CATSPERE: variants seen among roughly 807,000 people sequenced by gnomAD.
CATSPERE encodes cation channel sperm-associated auxiliary subunit epsilon.
A neutral mutation model predicts 114.1 loss-of-function variants in CATSPERE; 93 were observed. The observed-to-expected ratio is 0.81, with a 90% CI of 0.69 to 0.97. The LOEUF is 0.97. CATSPERE is among the 50% of genes least tolerant of loss of function. The pLI, the probability that CATSPERE is intolerant of heterozygous loss-of-function variation, is 0.00. For synonymous variants in CATSPERE, 341 were observed against 384.1 expected (o/e 0.89, Z 1.31); for missense variants, 1,058 against 1,131.6 (o/e 0.93, Z 0.93).
At chr1:244,494,575 A>G (rs1371070047) in intron 6 of CATSPERE, among the ~76,000 whole-genome samples, 1 of 151,946 alleles carries the variant, frequency 6.6e-6, no homozygotes, top group Non-Finnish European at 1.5e-5. Context: ...CACATTGTGC[A>G]CATGTACCCT....
chr1:244,491,309 T>A (rs1033093181), intron 6 of CATSPERE, among the ~76,000 whole-genome samples: 5 of 152,064 alleles, frequency 3.3e-5, no homozygotes, highest in African/African-American at 1.2e-4. Context: ...AACCGCTAAC[T>A]ACATGGAAAC....
chr1:244,606,606 C>CTTT (rs57618634), intron 18 of CATSPERE, among the ~76,000 whole-genome samples: 17 of 133,242 alleles, frequency 1.3e-4, no homozygotes, highest in African/African-American at 2.5e-4. Flanking sequence ...CTTTCTTTTG[C>CTTT]TTTTTTTTTT....
At chr1:244,497,560 G>C (rs1673301923) in intron 6 of CATSPERE, among the ~76,000 whole-genome samples, 1 of 152,192 alleles carries the variant, frequency 6.6e-6, no homozygotes, top group South Asian at 2.1e-4. Flanking sequence ...ACTTTGGGAG[G>C]CCGAGGCAGG....
intron 19 of CATSPERE, among the ~76,000 whole-genome samples, chr1:244,615,749 A>G (rs1161335149): frequency 2.6e-5 from 4 of 152,206 alleles, no homozygotes; most frequent in East Asian, 3.9e-4. Flanking sequence ...GTATCCTCAC[A>G]TTTCATGATA....
chr1:244,565,076 C>G (rs929100599), intron 10 of CATSPERE, among the ~76,000 whole-genome samples: 3 of 152,154 alleles, frequency 2.0e-5, no homozygotes, highest in Non-Finnish European at 4.4e-5. Flanking sequence ...ATTGAACCAG[C>G]CTTGCATCCC....
Position 244,504,435 on chromosome 1 carries a change from C to G in CATSPERE, c.429+5356C>G, listed in dbSNP as rs116588987. 3.9e-4 allele frequency among the ~76,000 whole-genome samples: 60 copies of G among 152,196 alleles called. No individual in the cohort carries two copies. The highest frequency in any genetic ancestry group is 9.8e-4 in the Admixed American group (15 of 15,286). On this transcript the variant is annotated intron_variant, in intron 7 of 21. Transcript: ENST00000366534. This position sits in a 1 kb window ranked among gnomAD's most constrained non-coding sequence, Gnocchi z 4.1. The stretch of plus-strand genomic sequence containing the variant: ...TGTATATTTGTCATAATTACTGAAC[C>G]AATATTGTTACATTATTATTAATAG...
rs1045476827 is a variant in CATSPERE, at chr1:244,573,157, A to G, written c.1950+385A>G. On this transcript the variant is annotated intron_variant, in intron 11 of 21. Transcript: ENST00000366534. The surrounding 1 kb of genome is among the most constrained non-coding windows in gnomAD (Gnocchi z 4.0). ...CCGGGCATGGTGGCTCACACCTGTA[A>G]TCCCAGCACTTTGGGAGGCCAAGGC... is the stretch of plus-strand genomic sequence containing the variant. Among the ~76,000 whole-genome samples, 19 of 152,110 alleles carry G rather than the reference A, an allele frequency of 1.2e-4. No homozygotes were observed. Among genetic ancestry groups the G allele is most frequent in the Non-Finnish European group, 1.9e-4 (13 of 68,022 alleles).
At position 244,566,747 on chromosome 1, in the gene CATSPERE, C is replaced by T. The variant is rs191931674; in HGVS notation, c.1508-5583C>T. Among the ~76,000 whole-genome samples the T allele has an allele frequency of 4.7e-4, 66 of 140,750 alleles. 1 individual carries two copies. Among genetic ancestry groups the T allele is most frequent in the Admixed American group, 3.1e-3 (42 of 13,366 alleles). The allele number at this position is 140,750 out of a possible 152,430, so 92.3% of individuals were successfully genotyped here. On this transcript the variant is annotated intron_variant, in intron 10 of 21. Transcript: ENST00000366534. ...CTTTGAGCCTATGTGTGTCTTTGCA[C>T]GTGAAATGGGTGTCTTGCATACAGC...
At chr1:244,552,868 T>G in intron 9 of CATSPERE, 54 bp downstream of exon 9, 2 of 942,854 alleles carry the variant, frequency 2.1e-6, no homozygotes, top group South Asian at 1.0e-4. Context: ...TACAAAGGTA[T>G]TTACCATACC....
Position 244,617,575 on chromosome 1 carries a change from T to G in CATSPERE, c.2537T>G (p.Leu846Ter), listed in dbSNP as rs1671555213. ...TATGCTATTGGAAAACCAGGAGACT[T>G]AAATCAACCATACGAGATTATCAAC... is the stretch of plus-strand genomic sequence containing the variant. Reference protein sequence around the residue: ...FSYAIGKPGDLNQPYEIINSS... With the variant: ...FSYAIGKPGD Residue 846 changes from leucine to a stop codon, truncating the protein, a stop_gained, in exon 20 of 22, where the codon TTA becomes TGA. Coordinates refer to ENST00000366534, the MANE Select transcript of CATSPERE (RefSeq NM_001130957.2). LOFTEE classifies it high-confidence loss of function. The G allele has an allele frequency of 1.3e-6, 2 of 1,540,120 alleles. No homozygotes were observed. The highest frequency in any genetic ancestry group is 5.0e-5 in the East Asian group (2 of 40,402).
chr1:244,593,399 T>C lies in CATSPERE; in HGVS notation c.2194T>C (p.Tyr732His), dbSNP rs748303206. The change falls in exon 16 of 22, where the codon TAT (tyrosine) becomes CAT (histidine). Residue 732 changes from tyrosine (Y) to histidine (H), a missense_variant. Transcript: ENST00000366534. ...TGAGGAATGTCTTTTTCACAGGTCA[T>C]ATCTGAGGCATCAGCCATCGAAAAA... ...HDFSYVIEKS[Y>H]LRHQPSKNLR... is the part of the protein sequence containing the mutation. 1.2e-6 allele frequency: 2 copies of C among 1,612,652 alleles called. No homozygotes were observed. Among genetic ancestry groups the C allele is most frequent in the South Asian group, 2.2e-5 (2 of 91,010 alleles).
At chr1:244,570,830 G>T (rs1169782994) in intron 10 of CATSPERE, among the ~76,000 whole-genome samples, 2 of 152,174 alleles carry the variant, frequency 1.3e-5, no homozygotes, top group Non-Finnish European at 2.9e-5. Context: ...TGGTTAGGCT[G>T]GGGGATTGAG....
chr1:244,504,455 T>G lies in CATSPERE; in HGVS notation c.429+5376T>G, dbSNP rs1452919933. ...TGAACCAATATTGTTACATTATTAT[T>G]AATAGAAGTCCATATTTTATTCACA... On this transcript the variant is annotated intron_variant, in intron 7 of 21. Transcript: ENST00000366534. The surrounding 1 kb of genome is among the most constrained non-coding windows in gnomAD (Gnocchi z 4.1). 2.0e-5 allele frequency among the ~76,000 whole-genome samples: 3 copies of G among 152,238 alleles called. No individual in the cohort carries two copies. Among genetic ancestry groups the G allele is most frequent in the Admixed American group, 6.5e-5 (1 of 15,282 alleles).
chr1:244,465,419 T>G (rs959643595), intron 2 of CATSPERE, among the ~76,000 whole-genome samples: 5 of 152,208 alleles, frequency 3.3e-5, no homozygotes, highest in Non-Finnish European at 5.9e-5. Flanking sequence ...ATTTTTACCT[T>G]TAAAATATAG....
At chr1:244,557,537 A>ATATATATATATC (rs1661792198) in intron 9 of CATSPERE, among the ~76,000 whole-genome samples, 1 of 23,140 alleles carries the variant, frequency 4.3e-5, no homozygotes, top group Non-Finnish European at 7.1e-5. Flanking sequence ...ATATTCATAT[A>ATATATATATATC]TATATATATA....
intron 20 of CATSPERE, among the ~76,000 whole-genome samples, chr1:244,629,168 C>T (rs754446563): frequency 4.6e-5 from 7 of 152,296 alleles, no homozygotes; most frequent in South Asian, 4.1e-4. Flanking sequence ...TCAGAACTTC[C>T]GCAGTCACAC....
intron 9 of CATSPERE, 36 bp from the exon 10 acceptor site, chr1:244,560,632 C>A (rs750185378): frequency 8.1e-7 from 1 of 1,234,050 alleles, no homozygotes; most frequent in Non-Finnish European, 1.1e-6. Flanking sequence ...TCTCTAAAAT[C>A]GAAGATCTTT....
Position 244,640,401 on chromosome 1 carries a change from A to G in CATSPERE, c.*320A>G, listed in dbSNP as rs924552417. 1.7e-5 allele frequency: 3 copies of G among 177,176 alleles called. No individual in the cohort carries two copies. The highest frequency in any genetic ancestry group is 7.2e-5 in the African/African-American group (3 of 41,834). 11.0% of individuals were successfully genotyped at this position (177,176 alleles called of 1,614,324 possible). On this transcript the variant is annotated 3_prime_UTR_variant, in exon 22 of 22. Coordinates refer to ENST00000366534, the MANE Select transcript of CATSPERE (RefSeq NM_001130957.2). Reference sequence around the variant, plus strand: ...AAAGTGAATTTTTGAAAATATATCTATGTGTCAAGTATCATTTTGCATGAA... The same window carrying G: ...AAAGTGAATTTTTGAAAATATATCTGTGTGTCAAGTATCATTTTGCATGAA...
At chr1:244,567,288 T>A (rs1663728745) in intron 10 of CATSPERE, among the ~76,000 whole-genome samples, 1 of 152,210 alleles carries the variant, frequency 6.6e-6, no homozygotes. Context: ...ATTTTTTCCT[T>A]CATTTCAACC....
Sources: allele counts gnomAD v4.1 joint callset (sites outside exome capture counted in the v4.1 genomes callset), GRCh38; gene constraint gnomAD v4.1.1; non-coding constraint Gnocchi (gnomAD v3.1); transcripts MANE v1.5; gene names NCBI Gene and HGNC (gene_info 2026-07-23, HGNC 2026-07-21).